ACTR8: variants seen among roughly 807,000 people sequenced by gnomAD.
The protein encoded by ACTR8 is actin related protein 8, also known as actin-related protein 8.
Under a neutral mutation model 84.3 loss-of-function variants are expected in ACTR8, and 70 were observed. The observed-to-expected ratio is 0.83, with a 90% confidence interval of 0.68 to 1.01. ACTR8 has a LOEUF of 1.01. Among genes scored for constraint, ACTR8 ranks in the 50% least tolerant of loss-of-function variants. The pLI, the probability that ACTR8 is intolerant of heterozygous loss-of-function variation, is 0.00. For missense variants in ACTR8, 672 were observed against 775.4 expected, an observed-to-expected ratio of 0.87 and a Z score of 1.58; for synonymous variants, 268 against 275.2, an observed-to-expected ratio of 0.97 and a Z score of 0.26.
At chr3:53,879,857 CTTT>C (rs1375404631) in intron 2 of ACTR8, 79 bp downstream of exon 2, 3 of 1,332,974 alleles carry the variant, frequency 2.3e-6, no homozygotes, top group Non-Finnish European at 3.1e-6. Context: ...GAAGATGTTT[CTTT>C]AAGATTCTGG....
chr3:53,878,581 G>A (rs914878325), intron 2 of ACTR8, 114 bp from the exon 3 acceptor site: 25 of 707,840 alleles, frequency 3.5e-5, no homozygotes, highest in African/African-American at 1.3e-4. Context: ...AACAAGTAGC[G>A]TTTCCTTAAT....
At chr3:53,863,746 G>C (rs1433631938), downstream of ACTR8, among the ~76,000 whole-genome samples, 1 of 151,918 alleles carries the variant, frequency 6.6e-6, no homozygotes, top group Non-Finnish European at 1.5e-5. Context: ...CTCAAAATGT[G>C]AAGTGCAGAG....
chr3:53,872,404 T>C lies in ACTR8; in HGVS notation c.1282A>G (p.Thr428Ala). ...DPHDEHYLLA[T>A]QSKQEQSAKA... ...CGGACCTGTTCTTGTTTGCTCTGTG[T>C]GGCCAGCAGGTAATGTTCATCGTGA... is the stretch of plus-strand genomic sequence containing the variant. The change falls in exon 10 of 13, where the codon ACA becomes GCA. Residue 428 changes from threonine (T) to alanine (A), a missense_variant. Thr to Ala is a moderately conservative substitution (Grantham distance 58). Transcript: ENST00000335754. 1 of 1,608,820 alleles carries C rather than the reference T, an allele frequency of 6.2e-7. No homozygotes were observed. The highest frequency in any genetic ancestry group is 1.1e-5 in the South Asian group (1 of 90,106).
rs746930851 is a variant in ACTR8, at chr3:53,880,049, G to A, written c.184C>T (p.Arg62Ter). ...HPGSTTLRIG[R>*]ATDTLPASIP... ...CTGGCAGGAAGAGTGTCTGTGGCTC[G>A]ACCAATCCTTAAAGTTGTTGAACCT... The change falls in exon 2 of 13, where the codon CGA becomes TGA. Residue 62 changes from arginine (R) to a stop codon, truncating the protein, a stop_gained. Coordinates refer to ENST00000335754, the MANE Select transcript of ACTR8 (RefSeq NM_022899.5). LOFTEE classifies it high-confidence loss of function. 5 of 1,613,894 alleles carry A rather than the reference G, an allele frequency of 3.1e-6. No individual in the cohort carries two copies. Among genetic ancestry groups the A allele is most frequent in the Non-Finnish European group, 4.2e-6 (5 of 1,179,936 alleles).
At chr3:53,865,082 A>C (rs374050382), downstream of ACTR8, 1 of 1,613,934 alleles carries the variant, frequency 6.2e-7, no homozygotes, top group African/African-American at 1.3e-5. Flanking sequence ...CTTGCCTTTA[A>C]CCTTTTCTGC....
chr3:53,871,405 CT>C lies in ACTR8; in HGVS notation c.1393del (p.Arg465AspfsTer7), dbSNP rs1699881624. The C allele has an allele frequency of 1.9e-6, 3 of 1,614,124 alleles. No homozygotes were observed. Among genetic ancestry groups the C allele is most frequent in the Admixed American group, 1.7e-5 (1 of 60,012 alleles). On this transcript the variant is annotated frameshift_variant, in exon 11 of 13. Transcript: ENST00000335754. LOFTEE classifies it high-confidence loss of function. ...CAAATCTACCTCCTGGGAATGGAGT[CT>C]TTCTGGAAGATCAGAGGACTGGCCA... is the stretch of plus-strand genomic sequence containing the variant. ...LRGQSSDLPE[R>X]LHSQEVDLGS...
intron 2 of ACTR8, among the ~76,000 whole-genome samples, chr3:53,879,542 T>A (rs1017786934): frequency 3.3e-5 from 5 of 152,228 alleles, no homozygotes; most frequent in African/African-American, 1.2e-4. Context: ...GTGCTTATTG[T>A]AACAATCTAA....
Position 53,868,833 on chromosome 3 carries a change from T to A in ACTR8, c.1761A>T (p.Lys587Asn). 6.2e-7 allele frequency: 1 copy of A among 1,614,136 alleles called. No individual in the cohort carries two copies. Among genetic ancestry groups the A allele is most frequent in the Non-Finnish European group, 8.5e-7 (1 of 1,179,998 alleles). The change falls in exon 13 of 13, where the codon AAA becomes AAT. Residue 587 changes from lysine to asparagine, a missense_variant. Transcript: ENST00000335754. ...CCAAACAAGCCAACACTGCCCCTCC[T>A]TTCCATGCAATCAGCCGGGGGTCCA... The part of the protein sequence containing the change: ...KDMDPRLIAW[K>N]GGAVLACLDT...
intron 11 of ACTR8, 73 bp downstream of exon 11, chr3:53,871,159 C>A: frequency 1.3e-6 from 2 of 1,562,994 alleles, no homozygotes; most frequent in African/African-American, 2.7e-5. Context: ...ACAAGTATAT[C>A]CTAGACTGAA....
chr3:53,882,149 G>T lies in ACTR8; in HGVS notation c.-48C>A. The T allele has an allele frequency of 1.3e-6, 2 of 1,543,658 alleles. No individual in the cohort carries two copies. The highest frequency in any genetic ancestry group is 4.9e-5 in the East Asian group (2 of 40,684). On this transcript the variant is annotated 5_prime_UTR_variant, in exon 1 of 13. Coordinates refer to ENST00000335754, the MANE Select transcript of ACTR8 (RefSeq NM_022899.5). The stretch of plus-strand genomic sequence containing the variant: ...CCTCTCGCCTCAGCGCTGCAGCCAC[G>T]ACTGCCGGGATGGAAGGGCCACCGC...
In ACTR8 at chr3:53,881,965, A is replaced by T; in HGVS notation, c.123+14T>A. On this transcript the variant is annotated intron_variant, in intron 1 of 12. Transcript: ENST00000335754. ...AAGCAAGGGCAAAGAGTTCCAACCC[A>T]GCCAGAGCCGCACCTCTTGCAGCGA... The T allele has an allele frequency of 6.4e-7, 1 of 1,555,444 alleles. No homozygotes were observed. Among genetic ancestry groups the T allele is most frequent in the Non-Finnish European group, 8.7e-7 (1 of 1,148,790 alleles).
At chr3:53,865,134 G>A (rs934728182), downstream of ACTR8, 3 of 1,613,994 alleles carry the variant, frequency 1.9e-6, no homozygotes, top group Non-Finnish European at 2.5e-6. Context: ...AATACGTGGT[G>A]GTCTACTTTA....
chr3:53,864,851 T>C, downstream of ACTR8: 1 of 1,614,208 alleles, frequency 6.2e-7, no homozygotes, highest in Non-Finnish European at 8.5e-7. Flanking sequence ...ATTTGTTACT[T>C]CACTGAATTT....
At position 53,870,927 on chromosome 3, in the gene ACTR8, T is replaced by C. The variant is rs1699874103; in HGVS notation, c.1567+305A>G. ...GAAATTCCTCAAATTATTACACAAA[T>C]GTGAAAGTACCACTGGCAGGTGCTA... On this transcript the variant is annotated intron_variant, in intron 11 of 12. Coordinates refer to ENST00000335754, the MANE Select transcript of ACTR8 (RefSeq NM_022899.5). The surrounding 1 kb of genome is among the most constrained non-coding windows in gnomAD (Gnocchi z 4.1). 6.6e-6 allele frequency among the ~76,000 whole-genome samples: 1 copy of C among 152,220 alleles called. No individual in the cohort carries two copies. The highest frequency in any genetic ancestry group is 1.5e-5 in the Non-Finnish European group (1 of 68,038).
At chr3:53,881,843 G>T in intron 1 of ACTR8, 136 bp downstream of exon 1, 2 of 1,382,554 alleles carry the variant, frequency 1.4e-6, no homozygotes, top group African/African-American at 1.7e-5. Flanking sequence ...GGAAAAGAAC[G>T]ACCGCTTCCG....
Position 53,877,788 on chromosome 3 carries a change from AT to A in ACTR8, c.406-38del. ...AACCATCAGAAAATTATCTCAATTT[AT>A]TCAAGGCGGGGGCAACATAAGGGTC... On this transcript the variant is annotated intron_variant, in intron 3 of 12. Coordinates refer to ENST00000335754, the MANE Select transcript of ACTR8 (RefSeq NM_022899.5). 3 of 1,576,992 alleles carry A rather than the reference AT, an allele frequency of 1.9e-6. No individual in the cohort carries two copies. In the South Asian group the frequency reaches 3.3e-5, roughly 18 times the overall value.
the ACTR8 span, chr3:53,861,536 A>G: frequency 6.6e-6 from 1 of 152,260 alleles, no homozygotes; most frequent in Non-Finnish European, 1.5e-5. Flanking sequence ...ATGTGGGTGC[A>G]GGATTGCTGT....
At chr3:53,864,535 C>CA (rs1043498703), downstream of ACTR8, among the ~76,000 whole-genome samples, 1,294 of 139,510 alleles carry the variant, frequency 9.3e-3, 7 homozygotes, top group Non-Finnish European at 0.013. Flanking sequence ...ACTATGTCTC[C>CA]AAAAAAAAAA....
chr3:53,874,993 C>T (rs1416191932), intron 7 of ACTR8, among the ~76,000 whole-genome samples: 2 of 152,214 alleles, frequency 1.3e-5, no homozygotes, highest in African/African-American at 4.8e-5. Flanking sequence ...GTGGTCTACA[C>T]TCACTAGCAT....
Sources: gnomAD v4.1 joint callset for allele counts (sites outside exome capture counted in the v4.1 genomes callset) on GRCh38, gnomAD v4.1.1 for gene constraint, Gnocchi (gnomAD v3.1) non-coding constraint, MANE v1.5 for transcripts, NCBI Gene and HGNC (gene_info 2026-07-23, HGNC 2026-07-21) for gene names.